The following NTM variants were observed in gnomAD, a reference collection of about 807,000 sequenced individuals.
NTM encodes the protein IgLON family member 2.
A neutral mutation model predicts 42.1 loss-of-function variants in NTM; 13 were observed. The ratio of observed to expected loss-of-function variants is 0.31; its 90% confidence interval spans 0.20 to 0.49. NTM has a LOEUF of 0.49. Ranked by LOEUF, NTM falls within the 20% of genes least tolerant of loss-of-function variation. The probability of loss-of-function intolerance (pLI) is 0.99; values close to 1 mark genes in which losing one functional copy is unlikely to be tolerated. For synonymous variants in NTM, 187 were observed against 179.2 expected (o/e 1.04, Z -0.35); for missense variants, 373 against 452.8 (o/e 0.82, Z 1.60).
chr11:132,052,777 G>C (rs1228378944), intron 2 of NTM, among the ~76,000 whole-genome samples: 8 of 148,540 alleles, frequency 5.4e-5, no homozygotes, highest in African/African-American at 2.0e-4. Context: ...GGCTCACTGT[G>C]TGTGTGTGTG....
At chr11:132,093,449 T>C (rs1433233196) in intron 2 of NTM, among the ~76,000 whole-genome samples, 2 of 152,236 alleles carry the variant, frequency 1.3e-5, no homozygotes, top group Non-Finnish European at 1.5e-5. Context: ...CCAACAGATA[T>C]TGGACTGAGC....
At chr11:131,798,906 T>G (rs2091861491) in intron 1 of NTM, among the ~76,000 whole-genome samples, 1 of 152,204 alleles carries the variant, frequency 6.6e-6, no homozygotes, top group African/African-American at 2.4e-5. Context: ...ATATCTCCCC[T>G]ATTCGATCGC....
At chr11:132,296,945 T>C (rs1591817159) in intron 4 of NTM, among the ~76,000 whole-genome samples, 1 of 152,332 alleles carries the variant, frequency 6.6e-6, no homozygotes, top group Middle Eastern at 3.4e-3. Context: ...GAGAAATGTT[T>C]ATAAAGACTC....
At chr11:132,319,132 C>T (rs528610425) in intron 7 of NTM, among the ~76,000 whole-genome samples, 39 of 152,186 alleles carry the variant, frequency 2.6e-4, no homozygotes, top group Non-Finnish European at 5.3e-4. Flanking sequence ...AAGTGGCTAA[C>T]AGCTGAGGAG....
intron 3 of NTM, among the ~76,000 whole-genome samples, chr11:132,161,370 CTTTTTTTTTTT>C (rs55732584): frequency 1.6e-5 from 1 of 64,078 alleles, no homozygotes; most frequent in Non-Finnish European, 2.6e-5. Flanking sequence ...TTTCGAGCAG[CTTTTTTTTTTT>C]TTTTTTTTTT....
At chr11:131,425,430 T>C (rs1378111813) in intron 1 of NTM, among the ~76,000 whole-genome samples, 2 of 152,086 alleles carry the variant, frequency 1.3e-5, no homozygotes, top group African/African-American at 2.4e-5. Context: ...CTAAAGCAAA[T>C]AATATACACA....
intron 2 of NTM, among the ~76,000 whole-genome samples, chr11:132,123,040 C>CT (rs35661097): frequency 0.011 from 1,746 of 152,270 alleles, 36 homozygotes; most frequent in African/African-American, 0.04. Flanking sequence ...TCCTGGCACA[C>CT]TTTTCCTATC....
At chr11:132,088,227 G>A (rs2059970007) in intron 2 of NTM, among the ~76,000 whole-genome samples, 2 of 152,188 alleles carry the variant, frequency 1.3e-5, no homozygotes, top group South Asian at 2.1e-4. Flanking sequence ...CAACATTCCC[G>A]ACCCCTGAGA....
At chr11:131,901,446 G>A (rs893170569) in intron 1 of NTM, among the ~76,000 whole-genome samples, 1 of 152,182 alleles carries the variant, frequency 6.6e-6, no homozygotes, top group African/African-American at 2.4e-5. Context: ...GTGAGCTAAA[G>A]TTTTAATTAC....
chr11:131,978,573 G>A (rs2064768961), intron 2 of NTM, among the ~76,000 whole-genome samples: 1 of 152,066 alleles, frequency 6.6e-6, no homozygotes, highest in South Asian at 2.1e-4. Context: ...AGTAACCTAA[G>A]GCTCTAGAGT....
chr11:131,445,989 T>C (rs1253564612), intron 1 of NTM, among the ~76,000 whole-genome samples: 1 of 152,202 alleles, frequency 6.6e-6, no homozygotes, highest in African/African-American at 2.4e-5. Context: ...TACTATCCAG[T>C]TATTTATAGA....
intron 1 of NTM, among the ~76,000 whole-genome samples, chr11:131,434,341 T>A (rs1948941507): frequency 6.6e-6 from 1 of 152,246 alleles, no homozygotes; most frequent in Admixed American, 6.5e-5. Flanking sequence ...TTTCTAGTTC[T>A]AGATCCTTGA....
At chr11:131,515,563 G>A (rs1249650106) in intron 1 of NTM, among the ~76,000 whole-genome samples, 2 of 152,226 alleles carry the variant, frequency 1.3e-5, no homozygotes, top group East Asian at 1.9e-4. Context: ...AATGAGGTAG[G>A]AGTTCTACAT....
intron 1 of NTM, among the ~76,000 whole-genome samples, chr11:131,527,344 A>G (rs1229835434): frequency 2.0e-5 from 3 of 151,930 alleles, no homozygotes; most frequent in East Asian, 1.9e-4. Flanking sequence ...CCCTTACTTC[A>G]TCTCTAGTTC....
At chr11:132,070,739 G>A (rs1195177035) in intron 2 of NTM, among the ~76,000 whole-genome samples, 11 of 143,562 alleles carry the variant, frequency 7.7e-5, no homozygotes, top group East Asian at 4.2e-4. Flanking sequence ...AAGTTAACAC[G>A]TCAAACTGAC....
At chr11:131,685,143 G>A (rs2658847) in intron 1 of NTM, among the ~76,000 whole-genome samples, 30,906 of 152,202 alleles carry the variant, frequency 0.2, 3,466 homozygotes, top group Middle Eastern at 0.28. Flanking sequence ...CCTGGGAAGA[G>A]GGATTAATGG....
At chr11:131,506,271 G>A (rs1239270115) in intron 1 of NTM, among the ~76,000 whole-genome samples, 1 of 152,156 alleles carries the variant, frequency 6.6e-6, no homozygotes, top group Non-Finnish European at 1.5e-5. Flanking sequence ...TATGGACCAA[G>A]GACATCTGGT....
chr11:131,450,984 C>T (rs1950440615), intron 1 of NTM, among the ~76,000 whole-genome samples: 1 of 152,122 alleles, frequency 6.6e-6, no homozygotes, highest in African/African-American at 2.4e-5. Flanking sequence ...GGTCCTCAAA[C>T]TCTCTTGGAC....
chr11:131,681,391 CTGTG>C (rs1261873832), intron 1 of NTM, among the ~76,000 whole-genome samples: 2 of 21,514 alleles, frequency 9.3e-5, no homozygotes, highest in Non-Finnish European at 1.3e-4. Context: ...GTTTCTGTGT[CTGTG>C]TGTATGTCTC....
Sources: allele counts gnomAD v4.1 joint callset (sites outside exome capture counted in the v4.1 genomes callset), GRCh38; gene constraint gnomAD v4.1.1; transcripts MANE v1.5; gene names NCBI Gene and HGNC (gene_info 2026-07-23, HGNC 2026-07-21).